Variants in ATRNL1 observed in about 807,000 individuals in gnomAD.
ATRNL1 encodes attractin-like protein 1.
In ATRNL1, 95 loss-of-function variants were observed where a neutral mutation model predicts 182.7. The observed-to-expected ratio is 0.52, with a 90% CI of 0.44 to 0.62. The LOEUF is 0.62. ATRNL1 is among the 20% of genes least tolerant of loss of function. ATRNL1 has a pLI of 0.00. For missense variants in ATRNL1, 1,471 were observed against 1,679.5 expected (o/e 0.88, Z 2.17); for synonymous variants, 576 against 568.3 (o/e 1.01, Z -0.19).
chr10:115,268,658 A>G (rs1421738355), intron 13 of ATRNL1, among the ~76,000 whole-genome samples: 1 of 152,226 alleles, frequency 6.6e-6, no homozygotes, highest in African/African-American at 2.4e-5. Flanking sequence ...GGATCCATCA[A>G]CTTTACTTCT....
chr10:115,543,891 T>C (rs1311897443), intron 25 of ATRNL1, among the ~76,000 whole-genome samples: 1 of 152,140 alleles, frequency 6.6e-6, no homozygotes, highest in African/African-American at 2.4e-5. Context: ...TTAATGTTTG[T>C]TTTCTTTCTT....
chr10:115,884,980 C>A (rs73365707), intron 28 of ATRNL1, among the ~76,000 whole-genome samples: 7,520 of 152,170 alleles, frequency 0.049, 585 homozygotes, highest in African/African-American at 0.17. Flanking sequence ...TACACATTCC[C>A]AAAGATTACC....
chr10:115,777,868 A>G lies in ATRNL1; in HGVS notation c.3903+50513A>G, dbSNP rs561434014. Among the ~76,000 whole-genome samples, 446 of 152,352 alleles carry G rather than the reference A, an allele frequency of 2.9e-3. 3 individuals carry two copies. Among genetic ancestry groups the G allele is most frequent in the South Asian group, 0.011 (51 of 4,834 alleles). On this transcript the variant is annotated intron_variant, in intron 27 of 28. Transcript: ENST00000355044. ...AATGATTAAGAATCAAGTGAATAATATAGATAATATGAGCTGAGAGTTCAG... is the reference window on the plus strand; with the variant it reads ...AATGATTAAGAATCAAGTGAATAATGTAGATAATATGAGCTGAGAGTTCAG...
In ATRNL1 at chr10:115,251,679, A is replaced by C. The variant is rs577386156; in HGVS notation, c.1687+9954A>C. ...ATAGCCTGGTGGGTTTTCTGGCATCACATAGTGTATTGACTTCAGCATGTG... is the reference window on the plus strand; with the variant it reads ...ATAGCCTGGTGGGTTTTCTGGCATCCCATAGTGTATTGACTTCAGCATGTG... On this transcript the variant is annotated intron_variant, in intron 10 of 28. Coordinates refer to ENST00000355044, the MANE Select transcript of ATRNL1 (RefSeq NM_207303.4). Among the ~76,000 whole-genome samples, 38 of 152,290 alleles carry C rather than the reference A, an allele frequency of 2.5e-4. No homozygotes were observed. The South Asian group carries it at 6.6e-3, about 27-fold the overall frequency.
intron 26 of ATRNL1, among the ~76,000 whole-genome samples, chr10:115,688,016 T>C (rs1266913582): frequency 6.6e-6 from 1 of 152,122 alleles, no homozygotes; most frequent in African/African-American, 2.4e-5. Flanking sequence ...TTCTATTCTC[T>C]ATACCCATGA....
intron 26 of ATRNL1, among the ~76,000 whole-genome samples, chr10:115,558,581 T>A (rs1157949433): frequency 6.6e-6 from 1 of 152,088 alleles, no homozygotes; most frequent in Non-Finnish European, 1.5e-5. Context: ...TCTTTTTTTC[T>A]TTTTGGTTTA....
chr10:115,685,909 TGA>T (rs1300614034), intron 26 of ATRNL1, among the ~76,000 whole-genome samples: 1 of 151,630 alleles, frequency 6.6e-6, no homozygotes, highest in Non-Finnish European at 1.5e-5. Flanking sequence ...TGCATAATGA[TGA>T]GAGTCTCAAT....
intron 26 of ATRNL1, among the ~76,000 whole-genome samples, chr10:115,560,179 C>G (rs1217065191): frequency 6.6e-6 from 1 of 152,052 alleles, no homozygotes; most frequent in East Asian, 1.9e-4. Flanking sequence ...TTAACAAAAG[C>G]AGTAGAAAAC....
At chr10:115,465,011 A>T (rs1233747007) in intron 22 of ATRNL1, among the ~76,000 whole-genome samples, 2 of 151,730 alleles carry the variant, frequency 1.3e-5, no homozygotes, top group Non-Finnish European at 3.0e-5. Context: ...TTTTTCCAGA[A>T]ATTATTTCAT....
At chr10:115,133,028 T>A (rs963213242) in intron 5 of ATRNL1, among the ~76,000 whole-genome samples, 1 of 152,188 alleles carries the variant, frequency 6.6e-6, no homozygotes, top group Non-Finnish European at 1.5e-5. Context: ...CTGAATGGTA[T>A]TGCCTAGGTT....
At chr10:115,413,509 C>T (rs1056898529) in intron 20 of ATRNL1, among the ~76,000 whole-genome samples, 4 of 152,072 alleles carry the variant, frequency 2.6e-5, no homozygotes, top group Non-Finnish European at 4.4e-5. Context: ...CCTTTCTTGT[C>T]CCATTTATTT....
intron 27 of ATRNL1, among the ~76,000 whole-genome samples, chr10:115,805,810 C>T (rs1367293902): frequency 6.6e-6 from 1 of 152,008 alleles, no homozygotes; most frequent in Admixed American, 6.6e-5. Context: ...CCAATAATAA[C>T]CTTAAATCAT....
At chr10:115,134,752 A>G (rs1194095052) in intron 5 of ATRNL1, among the ~76,000 whole-genome samples, 6 of 152,192 alleles carry the variant, frequency 3.9e-5, no homozygotes, top group African/African-American at 1.4e-4. Flanking sequence ...TTTTAGACCA[A>G]TATCTCTGAT....
At chr10:115,905,674 G>A (rs975653089) in intron 28 of ATRNL1, among the ~76,000 whole-genome samples, 3 of 152,126 alleles carry the variant, frequency 2.0e-5, no homozygotes, top group Non-Finnish European at 2.9e-5. Context: ...AAAGTCATCC[G>A]TGTAAATGGT....
chr10:115,418,501 A>T (rs1443697795), intron 20 of ATRNL1, among the ~76,000 whole-genome samples: 1 of 152,166 alleles, frequency 6.6e-6, no homozygotes, highest in Non-Finnish European at 1.5e-5. Flanking sequence ...GAATTCAAGA[A>T]GGAGTTGAGA....
chr10:115,706,580 T>C (rs1384206991), intron 26 of ATRNL1, among the ~76,000 whole-genome samples: 15 of 151,912 alleles, frequency 9.9e-5, no homozygotes, highest in African/African-American at 3.6e-4. Context: ...ATTTATTTAA[T>C]ACCAATGTTG....
At chr10:115,737,646 G>A (rs1947996979) in intron 27 of ATRNL1, among the ~76,000 whole-genome samples, 1 of 151,960 alleles carries the variant, frequency 6.6e-6, no homozygotes, top group Admixed American at 6.6e-5. Flanking sequence ...GAAAGGGATG[G>A]GAAGGGAGGT....
intron 6 of ATRNL1, among the ~76,000 whole-genome samples, chr10:115,164,694 A>G (rs1846957043): frequency 6.6e-6 from 1 of 152,138 alleles, no homozygotes; most frequent in Admixed American, 6.6e-5. Context: ...TGGAACAGGA[A>G]GTCATTATAA....
chr10:115,344,648 G>A (rs1363469759), intron 19 of ATRNL1, among the ~76,000 whole-genome samples: 1 of 152,144 alleles, frequency 6.6e-6, no homozygotes, highest in Non-Finnish European at 1.5e-5. Context: ...TAGTTCCTAA[G>A]GTACAAGGCA....
Sources: allele counts gnomAD v4.1 joint callset (sites outside exome capture counted in the v4.1 genomes callset), GRCh38; gene constraint gnomAD v4.1.1; transcripts MANE v1.5; gene names NCBI Gene and HGNC (gene_info 2026-07-23, HGNC 2026-07-21).